Variants in AOC1 observed in about 807,000 individuals in gnomAD.
AOC1 encodes amine oxidase copper containing 1, also known as diamine oxidase [copper-containing].
Under a neutral mutation model 57.1 loss-of-function variants are expected in AOC1, and 58 were observed. The ratio of observed to expected loss-of-function variants is 1.02; its 90% CI spans 0.82 to 1.26. The LOEUF is 1.26. AOC1 is among the 50% of genes most tolerant of loss of function. AOC1 has a pLI of 0.00. For synonymous variants in AOC1, 401 were observed against 423.4 expected, an observed-to-expected ratio of 0.95 and a Z score of 0.65; for missense variants, 917 against 1,005.3, an observed-to-expected ratio of 0.91 and a Z score of 1.19.
intron 3 of AOC1, among the ~76,000 whole-genome samples, chr7:150,860,212 AAG>A (rs922944356): frequency 1.3e-5 from 2 of 148,672 alleles, no homozygotes; most frequent in African/African-American, 5.0e-5. Context: ...GAAGGAAGGA[AAG>A]AGAGAGAAAG....
In AOC1 at chr7:150,856,030, T is replaced by A. The variant is rs578019536; in HGVS notation, c.-16-425T>A. On this transcript the variant is annotated intron_variant, in intron 1 of 4. Coordinates refer to ENST00000360937, the MANE Select transcript of AOC1 (RefSeq NM_001091.4). This position sits in a 1 kb window ranked among gnomAD's most constrained non-coding sequence, Gnocchi z 5.2. ...CACTAAATTTCAAAATCTGTCTACC[T>A]AAAAGGTATTTCGTTGTGTCAGAAA... Among the ~76,000 whole-genome samples the A allele has an allele frequency of 1.3e-5, 2 of 152,176 alleles. No homozygotes were observed. Among genetic ancestry groups the A allele is most frequent in the Non-Finnish European group, 2.9e-5 (2 of 68,024 alleles).
chr7:150,853,161 C>T (rs937970544), intron 1 of AOC1, among the ~76,000 whole-genome samples: 1 of 152,144 alleles, frequency 6.6e-6, no homozygotes, highest in Non-Finnish European at 1.5e-5. Context: ...GGAGGTGGAA[C>T]TATTCTGTGT....
rs1470311581 is a variant in AOC1 at position 150,857,808 on chromosome 7, G to A, written c.1338G>A (p.Lys446=). 6.2e-7 allele frequency: 1 copy of A among 1,614,088 alleles called. No individual in the cohort carries two copies. The highest frequency in any genetic ancestry group is 1.3e-5 in the African/African-American group (1 of 74,934). Residue 446 remains lysine (K), a synonymous_variant, in exon 2 of 5, where the codon AAG becomes AAA. Coordinates refer to ENST00000360937, the MANE Select transcript of AOC1 (RefSeq NM_001091.4). The surrounding 1 kb of genome is among the most constrained non-coding windows in gnomAD (Gnocchi z 6.6). ...KGGFNFYAGL[K]GQVLVLRTTS... ...GCTTCAACTTCTATGCGGGGCTGAA[G>A]GGCCAGGTGCTGGTGCTGCGGACAA...
At position 150,853,672 on chromosome 7, in the gene AOC1, TA is replaced by T. The variant is rs1563086903; in HGVS notation, c.-17+1115del. ...TAGTGAGATCCTGACTATATATATA[TA>T]TATATATATATATATATATATATAT... On this transcript the variant is annotated intron_variant, in intron 1 of 4. Transcript: ENST00000360937. Among the ~76,000 whole-genome samples the T allele has an allele frequency of 5.3e-4, 12 of 22,444 alleles. No homozygotes were observed. In the African/African-American group the frequency reaches 5.8e-3, roughly 11 times the overall value. 14.7% of individuals were successfully genotyped at this position (22,444 alleles called of 152,430 possible).
In AOC1 at chr7:150,859,809, T is replaced by C. The variant is rs888214690; in HGVS notation, c.1857-692T>C. 11 of 153,834 alleles carry C rather than the reference T, an allele frequency of 7.2e-5. No individual in the cohort carries two copies. In the South Asian group the frequency reaches 2.2e-3, roughly 30 times the overall value. 9.5% of individuals were successfully genotyped at this position (153,834 alleles called of 1,614,324 possible). A position where few individuals can be genotyped will look rare whatever the true frequency, so the allele number is the denominator to read the frequency against. Reference sequence around the variant, plus strand: ...TTATCCTCGTCTCCTTCACTTTAAGTGGGCTGAGGAAGAGGAGGAGGAGGG... The same window carrying C: ...TTATCCTCGTCTCCTTCACTTTAAGCGGGCTGAGGAAGAGGAGGAGGAGGG... On this transcript the variant is annotated intron_variant, in intron 3 of 4. Transcript: ENST00000360937.
At chr7:150,858,159 T>C in intron 2 of AOC1, 119 bp downstream of exon 2, 1 of 1,339,710 alleles carries the variant, frequency 7.5e-7, no homozygotes. Context: ...TTGCCAAGCC[T>C]GCTTCTGTAA....
At position 150,861,472 on chromosome 7, in the gene AOC1, A is replaced by C; in HGVS notation, c.*263A>C. 1 of 387,308 alleles carries C rather than the reference A, an allele frequency of 2.6e-6. No individual in the cohort carries two copies. 24.0% of individuals were successfully genotyped at this position (387,308 alleles called of 1,614,324 possible). A position where few individuals can be genotyped will look rare whatever the true frequency, so the allele number is the denominator to read the frequency against. The stretch of plus-strand genomic sequence containing the variant: ...CACACATGGCATGTACTTTATTCAC[A>C]CTGGTCTACTGCAGTCCAGAAAAGC... On this transcript the variant is annotated 3_prime_UTR_variant, in exon 5 of 5. Coordinates refer to ENST00000360937, the MANE Select transcript of AOC1 (RefSeq NM_001091.4). The surrounding 1 kb of genome is among the most constrained non-coding windows in gnomAD (Gnocchi z 4.5).
intron 1 of AOC1, among the ~76,000 whole-genome samples, chr7:150,853,170 G>A (rs1799668944): frequency 1.3e-5 from 2 of 152,206 alleles, no homozygotes; most frequent in African/African-American, 4.8e-5. Context: ...ACTATTCTGT[G>A]TGATATTCTA....
At position 150,857,364 on chromosome 7, in the gene AOC1, CG is replaced by C. The variant is rs771176664; in HGVS notation, c.896del (p.Gly299AlafsTer39). 5.8e-5 allele frequency: 93 copies of C among 1,606,074 alleles called. No individual in the cohort carries two copies. The highest frequency in any genetic ancestry group is 7.3e-5 in the Non-Finnish European group (86 of 1,175,450). ...ACTTCCCCAGCCCCATCCATGTGAGCGGCCCCCGCTTGGTCCAGCCCCACGG... is the reference window on the plus strand; with the variant it reads ...ACTTCCCCAGCCCCATCCATGTGAGCGCCCCCGCTTGGTCCAGCCCCACGG... ...GDFPSPIHVS[G>X]PRLVQPHGPR... On this transcript the variant is annotated frameshift_variant, in exon 2 of 5. Transcript: ENST00000360937. LOFTEE classifies it high-confidence loss of function. This position sits in a 1 kb window ranked among gnomAD's most constrained non-coding sequence, Gnocchi z 6.6.
rs1427443232 is a variant in AOC1, at chr7:150,857,549, G to A, written c.1079G>A (p.Gly360Glu). ...GTGCAAGAGGCAGTGGCGCTGTATG[G>A]AGGACACACACCTGCAGGCATGCAG... is the stretch of plus-strand genomic sequence containing the variant. Reference protein sequence around the residue: ...VSVQEAVALYGGHTPAGMQTK... With the variant: ...VSVQEAVALYEGHTPAGMQTK... The change falls in exon 2 of 5, where the codon GGA (glycine) becomes GAA (glutamate). Residue 360 changes from glycine to glutamate, a missense_variant. Transcript: ENST00000360937. The surrounding 1 kb of genome is among the most constrained non-coding windows in gnomAD (Gnocchi z 6.6). 14 of 1,614,046 alleles carry A rather than the reference G, an allele frequency of 8.7e-6. No individual in the cohort carries two copies. Among genetic ancestry groups the A allele is most frequent in the Non-Finnish European group, 1.2e-5 (14 of 1,180,008 alleles).
At chr7:150,852,235 C>T (rs1191658922), upstream of AOC1, 2 of 152,230 alleles carry the variant, frequency 1.3e-5, no homozygotes, top group African/African-American at 4.8e-5. This position sits in a 1 kb window ranked among gnomAD's most constrained non-coding sequence, Gnocchi z 4.6. Context: ...TTATCTCTGC[C>T]TCTAAAATAT....
At position 150,861,135 on chromosome 7, in the gene AOC1, C is replaced by T. The variant is rs768381765; in HGVS notation, c.2182C>T (p.Arg728Cys). ...PRDNGPNYVQRWIPEDRDCSM... is the reference protein window; with the variant it reads ...PRDNGPNYVQCWIPEDRDCSM... ...GGACAACGGCCCCAACTACGTCCAG[C>T]GCTGGATCCCTGAGGACAGGGACTG... The change falls in exon 5 of 5, where the codon CGC becomes TGC. Residue 728 changes from arginine (R) to cysteine (C), a missense_variant. Coordinates refer to ENST00000360937, the MANE Select transcript of AOC1 (RefSeq NM_001091.4). This position sits in a 1 kb window ranked among gnomAD's most constrained non-coding sequence, Gnocchi z 4.5. 6.2e-6 allele frequency: 10 copies of T among 1,613,958 alleles called. No homozygotes were observed. Among genetic ancestry groups the T allele is most frequent in the African/African-American group, 4.0e-5 (3 of 74,918 alleles).
rs991913007 is a variant in AOC1, at chr7:150,856,188, G to A, written c.-16-267G>A. Among the ~76,000 whole-genome samples, 6 of 152,188 alleles carry A rather than the reference G, an allele frequency of 3.9e-5. No homozygotes were observed. The highest frequency in any genetic ancestry group is 3.9e-4 in the Admixed American group (6 of 15,270). The stretch of plus-strand genomic sequence containing the variant: ...TGAGATAATACACAAAAACAAGGGT[G>A]TTCCCCTGAGTAAGGAAGGCTGCAG... On this transcript the variant is annotated intron_variant, in intron 1 of 4. Transcript: ENST00000360937. The surrounding 1 kb of genome is among the most constrained non-coding windows in gnomAD (Gnocchi z 5.2).
rs767437261 is a variant in AOC1 at position 150,857,634 on chromosome 7, C to T, written c.1164C>T (p.Gly388=). 1.2e-6 allele frequency: 2 copies of T among 1,614,072 alleles called. No homozygotes were observed. The highest frequency in any genetic ancestry group is 1.7e-6 in the Non-Finnish European group (2 of 1,180,000). ...GCGTCACTCATGAGTTAGCCCCCGGCATCGACTGCCCGGAGACCGCCACCT... is the reference window on the plus strand; with the variant it reads ...GCGTCACTCATGAGTTAGCCCCCGGTATCGACTGCCCGGAGACCGCCACCT... ...LGSVTHELAP[G]IDCPETATFL... is the part of the protein sequence containing the mutation. The change falls in exon 2 of 5, where the codon GGC becomes GGT. Residue 388 remains glycine (G), a synonymous_variant. Coordinates refer to ENST00000360937, the MANE Select transcript of AOC1 (RefSeq NM_001091.4). The surrounding 1 kb of genome is among the most constrained non-coding windows in gnomAD (Gnocchi z 6.6).
Position 150,860,422 on chromosome 7 carries a change from C to A in AOC1, c.1857-79C>A, listed in dbSNP as rs751452950. 9 of 1,606,460 alleles carry A rather than the reference C, an allele frequency of 5.6e-6. No individual in the cohort carries two copies. In the African/African-American group the frequency reaches 1.2e-4, roughly 21 times the overall value. On this transcript the variant is annotated intron_variant, in intron 3 of 4. Transcript: ENST00000360937. ...GGCAATCATCTTCCTCTATTCTGAC[C>A]CTGAGGCTGTTCCCTGGGCAGGACT...
Position 150,857,490 on chromosome 7 carries a change from C to G in AOC1, c.1020C>G (p.His340Gln). The change falls in exon 2 of 5, where the codon CAC (histidine) becomes CAG (glutamine). Residue 340 changes from histidine (H) to glutamine (Q), a missense_variant. Coordinates refer to ENST00000360937, the MANE Select transcript of AOC1 (RefSeq NM_001091.4). This position sits in a 1 kb window ranked among gnomAD's most constrained non-coding sequence, Gnocchi z 6.6. ...CCGGGCTGCAGGTCCTGAACGTGCACTTCGGCGGAGAGCGCATTGCCTATG... is the reference window on the plus strand; with the variant it reads ...CCGGGCTGCAGGTCCTGAACGTGCAGTTCGGCGGAGAGCGCATTGCCTATG... ...SSSGLQVLNV[H>Q]FGGERIAYEV... is the part of the protein sequence containing the mutation. 2 of 1,613,538 alleles carry G rather than the reference C, an allele frequency of 1.2e-6. No homozygotes were observed. The highest frequency in any genetic ancestry group is 2.2e-5 in the East Asian group (1 of 44,880).
At position 150,856,381 on chromosome 7, in the gene AOC1, C is replaced by T. The variant is rs45515699; in HGVS notation, c.-16-74C>T. ...AGGAAGCTCAGTCCATGGGAAAATT[C>T]CATGGCCCTAACCTGAGGGAAGCCC... is the stretch of plus-strand genomic sequence containing the variant. On this transcript the variant is annotated intron_variant, in intron 1 of 4. Transcript: ENST00000360937. This position sits in a 1 kb window ranked among gnomAD's most constrained non-coding sequence, Gnocchi z 5.2. 5.1e-3 allele frequency: 7,648 copies of T among 1,486,022 alleles called. 357 individuals carry two copies. The African/African-American group carries it at 0.094, about 18-fold the overall frequency. 92.1% of individuals were successfully genotyped at this position (1,486,022 alleles called of 1,614,324 possible).
chr7:150,858,667 T>A, intron 2 of AOC1, 96 bp from the exon 3 acceptor site: 1 of 1,313,714 alleles, frequency 7.6e-7, no homozygotes, highest in Non-Finnish European at 1.0e-6. Flanking sequence ...CAGTTGGCTG[T>A]TGGATGTGGT....
At position 150,859,039 on chromosome 7, in the gene AOC1, C is replaced by T. The variant is rs1171804376; in HGVS notation, c.1847C>T (p.Thr616Ile). Residue 616 changes from threonine (T) to isoleucine (I), a missense_variant, in exon 3 of 5, where the codon ACC (threonine) becomes ATC (isoleucine). Transcript: ENST00000360937. ...PPGWQEEQAI[T>I]WARYPLAVTK... ...GGCTGGCAGGAGGAGCAGGCCATCA[C>T]CTGGGCAAGGTGAGGAAGACCCAGG... 1.3e-6 allele frequency: 2 copies of T among 1,572,476 alleles called. No individual in the cohort carries two copies. Among genetic ancestry groups the T allele is most frequent in the Non-Finnish European group, 1.7e-6 (2 of 1,153,984 alleles).
Sources: allele counts gnomAD v4.1 joint callset (sites outside exome capture counted in the v4.1 genomes callset), GRCh38; gene constraint gnomAD v4.1.1; non-coding constraint Gnocchi (gnomAD v3.1); transcripts MANE v1.5; gene names NCBI Gene and HGNC (gene_info 2026-07-23, HGNC 2026-07-21).